FBXL7: variants seen among roughly 807,000 people sequenced by gnomAD.
FBXL7 encodes the protein F-box and leucine rich repeat protein 7.
A neutral mutation model predicts 38.3 loss-of-function variants in FBXL7; 12 were observed. That is an observed-to-expected ratio of 0.31 (90% CI 0.20 to 0.51). The LOEUF (loss-of-function observed/expected upper bound fraction) is 0.51, where lower values mean the gene tolerates loss of function less well. Ranked by LOEUF, FBXL7 falls within the 20% of genes least tolerant of loss-of-function variation. The pLI is 0.98. For synonymous variants in FBXL7, 297 were observed against 300.9 expected (o/e 0.99, Z 0.13); for missense variants, 567 against 676.4 (o/e 0.84, Z 1.79).
intron 2 of FBXL7, among the ~76,000 whole-genome samples, chr5:15,616,553 A>G (rs1740461944): frequency 6.6e-6 from 1 of 152,152 alleles, no homozygotes; most frequent in African/African-American, 2.4e-5. Context: ...GGGTTTCTTT[A>G]TTATTATTAA....
chr5:15,810,692 G>A (rs1315985530), intron 2 of FBXL7, among the ~76,000 whole-genome samples: 1 of 151,772 alleles, frequency 6.6e-6, no homozygotes, highest in Non-Finnish European at 1.5e-5. Flanking sequence ...CTGTTATATT[G>A]TTAGTTATAA....
In FBXL7 at chr5:15,893,034, C is replaced by T. The variant is rs562397347; in HGVS notation, c.128-34856C>T. On this transcript the variant is annotated intron_variant, in intron 2 of 3. Coordinates refer to ENST00000504595, the MANE Select transcript of FBXL7 (RefSeq NM_012304.5). The stretch of plus-strand genomic sequence containing the variant: ...GGGAGGCTGAGACAGGAGAATGGCG[C>T]GAACCTGGGAGGCAGAGCTTGCAGT... Among the ~76,000 whole-genome samples, 4 of 149,796 alleles carry T rather than the reference C, an allele frequency of 2.7e-5. No homozygotes were observed. The South Asian group carries it at 6.4e-4, about 24-fold the overall frequency.
At chr5:15,751,042 T>G (rs1736142366) in intron 2 of FBXL7, among the ~76,000 whole-genome samples, 1 of 152,216 alleles carries the variant, frequency 6.6e-6, no homozygotes, top group African/African-American at 2.4e-5. Context: ...ATGATGATTT[T>G]TTTTTTCAAA....
intron 2 of FBXL7, among the ~76,000 whole-genome samples, chr5:15,810,992 G>C (rs1363327932): frequency 6.6e-6 from 1 of 152,106 alleles, no homozygotes; most frequent in South Asian, 2.1e-4. Context: ...ACAAATTGAT[G>C]CTTGAGTAAA....
chr5:15,858,894 T>G (rs981557030), intron 2 of FBXL7, among the ~76,000 whole-genome samples: 1 of 152,212 alleles, frequency 6.6e-6, no homozygotes, highest in African/African-American at 2.4e-5. Context: ...GGCTATGAAC[T>G]AGGATATAAT....
chr5:15,878,549 A>G (rs149117581), intron 2 of FBXL7, among the ~76,000 whole-genome samples: 73 of 152,256 alleles, frequency 4.8e-4, no homozygotes, highest in African/African-American at 1.6e-3. Flanking sequence ...ATTATGATCT[A>G]GTTTCTGGAT....
chr5:15,527,088 A>G, intron 1 of FBXL7, among the ~76,000 whole-genome samples: 1 of 152,364 alleles, frequency 6.6e-6, no homozygotes, highest in Middle Eastern at 3.4e-3. Context: ...TTAGACCAGT[A>G]CACCTAGAAT....
chr5:15,903,851 ATCTT>A (rs1402078176), intron 2 of FBXL7, among the ~76,000 whole-genome samples: 2 of 152,190 alleles, frequency 1.3e-5, no homozygotes, highest in African/African-American at 2.4e-5. Context: ...GAACTCTTTT[ATCTT>A]TCTATCTTCT....
At chr5:15,878,212 G>A (rs564894333) in intron 2 of FBXL7, among the ~76,000 whole-genome samples, 2 of 152,174 alleles carry the variant, frequency 1.3e-5, no homozygotes, top group Non-Finnish European at 2.9e-5. Flanking sequence ...GAAGTTGCGG[G>A]GAGTCAGGGA....
At chr5:15,619,174 T>C (rs1043466685) in intron 2 of FBXL7, among the ~76,000 whole-genome samples, 3 of 152,162 alleles carry the variant, frequency 2.0e-5, no homozygotes, top group Admixed American at 2.0e-4. Context: ...GATTTCTTCC[T>C]TTTTCCCCGG....
At chr5:15,634,600 C>T (rs940033231) in intron 2 of FBXL7, among the ~76,000 whole-genome samples, 1 of 152,004 alleles carries the variant, frequency 6.6e-6, no homozygotes, top group Admixed American at 6.6e-5. Flanking sequence ...AGATTACAGG[C>T]GTGAGCCACT....
chr5:15,608,034 A>C (rs1165869677), intron 1 of FBXL7, among the ~76,000 whole-genome samples: 1 of 152,246 alleles, frequency 6.6e-6, no homozygotes, highest in African/African-American at 2.4e-5. Context: ...TCATGTGTGT[A>C]AAGCAGTTAG....
intron 1 of FBXL7, among the ~76,000 whole-genome samples, chr5:15,598,712 A>T (rs1052188284): frequency 6.6e-6 from 1 of 152,194 alleles, no homozygotes; most frequent in Non-Finnish European, 1.5e-5. Context: ...AGAGAGAAAG[A>T]GAGCACGCAT....
At chr5:15,800,782 G>T (rs1247007869) in intron 2 of FBXL7, among the ~76,000 whole-genome samples, 2 of 152,128 alleles carry the variant, frequency 1.3e-5, no homozygotes, top group Non-Finnish European at 1.5e-5. Flanking sequence ...CAGAATTTTT[G>T]GGAGGCCATA....
chr5:15,864,752 C>T (rs570643655), intron 2 of FBXL7, among the ~76,000 whole-genome samples: 11 of 152,256 alleles, frequency 7.2e-5, no homozygotes, highest in South Asian at 2.1e-4. Flanking sequence ...ACATGGTTTA[C>T]GTTGCAGTAG....
At chr5:15,501,444 C>T (rs2126338972) in intron 1 of FBXL7, 1 of 985,576 alleles carries the variant, frequency 1.0e-6, no homozygotes, top group Admixed American at 6.1e-5. Flanking sequence ...CTGCATAAAA[C>T]CGTAGCGTTG....
intron 1 of FBXL7, among the ~76,000 whole-genome samples, chr5:15,558,598 T>G (rs1218748413): frequency 6.6e-6 from 1 of 152,238 alleles, no homozygotes; most frequent in African/African-American, 2.4e-5. Context: ...GATTCAAAAA[T>G]AAACCTGAGG....
chr5:15,927,785 AAAG>A (rs1268336140), intron 2 of FBXL7, 102 bp from the exon 3 acceptor site: 25 of 801,570 alleles, frequency 3.1e-5, no homozygotes, highest in African/African-American at 1.0e-4. Flanking sequence ...AAAAAAAAAA[AAAG>A]AAGAAGAAAG....
At chr5:15,519,449 AAAAAAAACAAAC>A (rs922652593) in intron 1 of FBXL7, among the ~76,000 whole-genome samples, 1 of 148,276 alleles carries the variant, frequency 6.7e-6, no homozygotes, top group African/African-American at 2.6e-5. Context: ...GAAAACAAAA[AAAAAAAACAAAC>A]AAACAAACAA....
Sources: gnomAD v4.1 joint callset for allele counts (sites outside exome capture counted in the v4.1 genomes callset) on GRCh38, gnomAD v4.1.1 for gene constraint, MANE v1.5 for transcripts, NCBI Gene and HGNC (gene_info 2026-07-23, HGNC 2026-07-21) for gene names.